Variants in HLF observed in about 807,000 individuals in gnomAD.
The protein encoded by HLF is hepatic leukemia factor.
HLF carries 3 observed loss-of-function variants against 22.6 expected under a neutral mutation model. The observed-to-expected ratio is 0.13, with a 90% CI of 0.06 to 0.34. The LOEUF is 0.34. HLF is among the 10% of genes least tolerant of loss of function. The probability of loss-of-function intolerance (pLI) is 1.00; values close to 1 mark genes in which losing one functional copy is unlikely to be tolerated. For missense variants in HLF, 299 were observed against 389.2 expected (o/e 0.77, Z 1.95); for synonymous variants, 151 against 151.8 (o/e 0.99, Z 0.04).
chr17:55,305,178 C>A (rs961492282), intron 2 of HLF, among the ~76,000 whole-genome samples: 4 of 152,232 alleles, frequency 2.6e-5, no homozygotes, highest in Non-Finnish European at 5.9e-5. Context: ...TCCTAGTGAG[C>A]CGTGGTCTCT....
At chr17:55,299,163 A>G (rs4239193) in intron 2 of HLF, among the ~76,000 whole-genome samples, 75,459 of 151,952 alleles carry the variant, frequency 0.5, 20,354 homozygotes, top group East Asian at 0.72. Context: ...ATGAGATGCC[A>G]GAGGCATAAA....
intron 2 of HLF, among the ~76,000 whole-genome samples, chr17:55,284,726 C>G (rs1028265869): frequency 6.6e-6 from 1 of 152,168 alleles, no homozygotes; most frequent in African/African-American, 2.4e-5. Context: ...CTGAGAGGTT[C>G]AGAAGTTACC....
chr17:55,277,350 A>G (rs781662839), intron 2 of HLF, among the ~76,000 whole-genome samples: 2 of 151,912 alleles, frequency 1.3e-5, no homozygotes, highest in East Asian at 1.9e-4. Flanking sequence ...TCTCAGTGAT[A>G]CAAATAGTAC....
chr17:55,300,801 A>C (rs2081149891), intron 2 of HLF, among the ~76,000 whole-genome samples: 1 of 152,186 alleles, frequency 6.6e-6, no homozygotes, highest in East Asian at 1.9e-4. Flanking sequence ...TGCCACAACA[A>C]TCTTTCTGAA....
intron 1 of HLF, among the ~76,000 whole-genome samples, chr17:55,267,283 AT>A (rs1453817482): frequency 6.6e-6 from 1 of 152,260 alleles, no homozygotes; most frequent in Non-Finnish European, 1.5e-5. Context: ...CTTTACCAAA[AT>A]TAAGACCACT....
Position 55,320,870 on chromosome 17 carries a change from GCCC to G in HLF, c.881_883del (p.Pro294del), listed in dbSNP as rs750885765. ...TTGCCAAGTATGAGGCCAGGCACGGGCCCCTGTAGGATGGCATTTTTGCAGGCT... is the reference window on the plus strand; with the variant it reads ...TTGCCAAGTATGAGGCCAGGCACGGGCTGTAGGATGGCATTTTTGCAGGCT... On this transcript the variant is annotated inframe_deletion, in exon 4 of 4. Coordinates refer to ENST00000226067, the MANE Select transcript of HLF (RefSeq NM_002126.5). This position sits in a 1 kb window ranked among gnomAD's most constrained non-coding sequence, Gnocchi z 4.2. 3.1e-6 allele frequency: 5 copies of G among 1,610,716 alleles called. No homozygotes were observed. The highest frequency in any genetic ancestry group is 3.4e-6 in the Non-Finnish European group (4 of 1,178,970).
intron 2 of HLF, among the ~76,000 whole-genome samples, chr17:55,283,090 T>C (rs2080968460): frequency 2.0e-5 from 3 of 151,936 alleles, no homozygotes. Context: ...AGTGGTCGTT[T>C]ACTAGCCAGA....
rs1439663143 is a variant in HLF, at chr17:55,324,638, CCTT to C, written c.*3762_*3764del. 1 of 232,676 alleles carries C rather than the reference CCTT, an allele frequency of 4.3e-6. No homozygotes were observed. The highest frequency in any genetic ancestry group is 2.2e-5 in the African/African-American group (1 of 45,316). The allele number at this position is 232,676 out of a possible 1,614,324, so 14.4% of individuals were successfully genotyped here. On this transcript the variant is annotated 3_prime_UTR_variant, in exon 4 of 4. Coordinates refer to ENST00000226067, the MANE Select transcript of HLF (RefSeq NM_002126.5). ...TGATCTGCCCTCCAGGTGGCGATCA[CCTT>C]CTGCTCCTAGGTACCCCCACTGGCA...
intron 2 of HLF, among the ~76,000 whole-genome samples, chr17:55,278,183 C>T (rs1022217298): frequency 6.6e-6 from 1 of 152,170 alleles, no homozygotes; most frequent in Non-Finnish European, 1.5e-5. Flanking sequence ...TCAAATTTTG[C>T]CTGGGAGACC....
intron 2 of HLF, among the ~76,000 whole-genome samples, chr17:55,293,639 G>A (rs2081086444): frequency 2.0e-5 from 3 of 152,216 alleles, no homozygotes. Context: ...TCGTTTTACA[G>A]ATGAGAAAAC....
chr17:55,324,811 G>A lies in HLF; in HGVS notation c.*3932G>A, dbSNP rs542165360. 52 of 230,172 alleles carry A rather than the reference G, an allele frequency of 2.3e-4. No homozygotes were observed. In the East Asian group the frequency reaches 3.0e-3, roughly 13 times the overall value. 14.3% of individuals were successfully genotyped at this position (230,172 alleles called of 1,614,324 possible). On this transcript the variant is annotated 3_prime_UTR_variant, in exon 4 of 4. Transcript: ENST00000226067. ...TAAGAGTGTGTGTGTGTGTGTGTGC[G>A]TGCATGTGTGTGTGTGTGTATGTGT...
At chr17:55,276,643 C>A (rs1421908022) in intron 2 of HLF, among the ~76,000 whole-genome samples, 2 of 149,778 alleles carry the variant, frequency 1.3e-5, no homozygotes, top group Non-Finnish European at 3.0e-5. Flanking sequence ...GGGTGTAGAT[C>A]CAATTTGGCT....
At chr17:55,298,136 C>T (rs560451731) in intron 2 of HLF, among the ~76,000 whole-genome samples, 191 of 152,226 alleles carry the variant, frequency 1.3e-3, no homozygotes, top group African/African-American at 4.4e-3. Flanking sequence ...CAGTTGGTCT[C>T]CTTATCAACC....
intron 1 of HLF, chr17:55,266,674 T>C (rs2080794232): frequency 4.6e-6 from 1 of 218,364 alleles, no homozygotes; most frequent in African/African-American, 2.3e-5. Flanking sequence ...GTGGGTGTTT[T>C]AAGTCAGATT....
At chr17:55,285,564 T>C (rs769942643) in intron 2 of HLF, among the ~76,000 whole-genome samples, 29 of 152,352 alleles carry the variant, frequency 1.9e-4, no homozygotes, top group Non-Finnish European at 5.9e-5. Flanking sequence ...TCTCTCTGGC[T>C]CACGTTTTCC....
At chr17:55,283,698 G>GT (rs1462472307) in intron 2 of HLF, 2 of 152,168 alleles carry the variant, frequency 1.3e-5, no homozygotes, top group African/African-American at 2.4e-5. Context: ...ATTCCAACAC[G>GT]TAAGTCCATG....
chr17:55,285,568 G>A (rs2080996627), intron 2 of HLF, among the ~76,000 whole-genome samples: 1 of 152,126 alleles, frequency 6.6e-6, no homozygotes, highest in Non-Finnish European at 1.5e-5. Flanking sequence ...TCTGGCTCAC[G>A]TTTTCCAGGG....
intron 2 of HLF, among the ~76,000 whole-genome samples, chr17:55,281,351 G>A (rs12944751): frequency 3.9e-5 from 6 of 151,946 alleles, no homozygotes; most frequent in South Asian, 4.2e-4. Flanking sequence ...CCGTCTCTAC[G>A]AAAAATACAA....
chr17:55,268,102 A>G lies in HLF; in HGVS notation c.451+16A>G. 2 of 1,498,224 alleles carry G rather than the reference A, an allele frequency of 1.3e-6. No individual in the cohort carries two copies. The highest frequency in any genetic ancestry group is 1.8e-4 in the Middle Eastern group (1 of 5,556). The allele number at this position is 1,498,224 out of a possible 1,614,324, so 92.8% of individuals were successfully genotyped here. A position where few individuals can be genotyped will look rare whatever the true frequency, so the allele number is the denominator to read the frequency against. ...ATCAGACCAGGTAAGTGCCCTGAAG[A>G]TTCTCCCTTCAGAAAGGGAGGAGGA... On this transcript the variant is annotated intron_variant, in intron 2 of 3. Coordinates refer to ENST00000226067, the MANE Select transcript of HLF (RefSeq NM_002126.5).
Sources: gnomAD v4.1 joint callset for allele counts (sites outside exome capture counted in the v4.1 genomes callset) on GRCh38, gnomAD v4.1.1 for gene constraint, Gnocchi (gnomAD v3.1) non-coding constraint, MANE v1.5 for transcripts, NCBI Gene and HGNC (gene_info 2026-07-23, HGNC 2026-07-21) for gene names.